WIF1: variants seen among roughly 807,000 people sequenced by gnomAD.
WIF1 encodes the protein Wnt inhibitory factor 1.
WIF1 carries 35 observed loss-of-function variants against 53.5 expected under a neutral mutation model. The ratio of observed to expected loss-of-function variants is 0.65; its 90% CI spans 0.50 to 0.87. The LOEUF (loss-of-function observed/expected upper bound fraction) is 0.87. Among genes scored for constraint, WIF1 ranks in the 40% least tolerant of loss-of-function variants. WIF1 has a pLI of 0.00. For synonymous variants in WIF1, 171 were observed against 170.4 expected (o/e 1.00, Z -0.03); for missense variants, 467 against 476.8 (o/e 0.98, Z 0.19).
In WIF1 at chr12:65,051,568, C is replaced by A. The variant is rs1882442591; in HGVS notation, c.1019-98G>T. ...CAAATGAAATCCATTTTTGCCTTTTCAATCCAGAATGAAAAACCGCAATGA... is the reference window on the plus strand; with the variant it reads ...CAAATGAAATCCATTTTTGCCTTTTAAATCCAGAATGAAAAACCGCAATGA... On this transcript the variant is annotated intron_variant, in intron 9 of 9. Coordinates refer to ENST00000286574, the MANE Select transcript of WIF1 (RefSeq NM_007191.5). 2.2e-6 allele frequency: 3 copies of A among 1,389,774 alleles called. No individual in the cohort carries two copies. The East Asian group carries it at 7.9e-5, about 36-fold the overall frequency. 86.1% of individuals were successfully genotyped at this position (1,389,774 alleles called of 1,614,324 possible). A position where few individuals can be genotyped will look rare whatever the true frequency, so the allele number is the denominator to read the frequency against.
At chr12:65,107,206 A>T (rs555445255) in intron 2 of WIF1, among the ~76,000 whole-genome samples, 9 of 152,240 alleles carry the variant, frequency 5.9e-5, no homozygotes, top group Non-Finnish European at 1.2e-4. Context: ...ATATAAATAC[A>T]ACCTCAATCC....
intron 9 of WIF1, among the ~76,000 whole-genome samples, chr12:65,052,002 ACT>A (rs1465064396): frequency 6.6e-6 from 1 of 152,074 alleles, no homozygotes; most frequent in East Asian, 1.9e-4. Context: ...ATTTGAACTG[ACT>A]CTTCCTTATC....
At chr12:65,090,682 C>G (rs1592397745) in intron 2 of WIF1, among the ~76,000 whole-genome samples, 1 of 152,062 alleles carries the variant, frequency 6.6e-6, no homozygotes, top group Admixed American at 6.6e-5. Flanking sequence ...GTTGCGTAAG[C>G]TCTGGGAGGA....
intron 2 of WIF1, among the ~76,000 whole-genome samples, chr12:65,106,862 T>G (rs1403884869): frequency 1.4e-4 from 21 of 152,184 alleles, no homozygotes. Flanking sequence ...GAGAGATAAC[T>G]CAAAACTTGA....
chr12:65,096,995 G>A (rs1390895401), intron 2 of WIF1, among the ~76,000 whole-genome samples: 3 of 147,804 alleles, frequency 2.0e-5, no homozygotes, highest in East Asian at 2.0e-4. Context: ...AAACCTGCAC[G>A]TTCTGCACAT....
At chr12:65,109,789 A>G (rs919024516) in intron 2 of WIF1, among the ~76,000 whole-genome samples, 3 of 152,194 alleles carry the variant, frequency 2.0e-5, no homozygotes, top group African/African-American at 4.8e-5. Context: ...CTCGTCTACA[A>G]ATTGGGGAGA....
At chr12:65,056,518 G>A (rs71450805) in intron 7 of WIF1, among the ~76,000 whole-genome samples, 1 of 150,072 alleles carries the variant, frequency 6.7e-6, no homozygotes, top group Non-Finnish European at 1.5e-5. Flanking sequence ...GAGCCACCAC[G>A]CCCAGCCCAA....
At chr12:65,091,428 A>G (rs947080064) in intron 2 of WIF1, among the ~76,000 whole-genome samples, 1 of 150,766 alleles carries the variant, frequency 6.6e-6, no homozygotes, top group African/African-American at 2.4e-5. Context: ...ACAAGGCAAA[A>G]CAACAGAAGA....
rs1882438939 is a variant in WIF1, at chr12:65,051,393, C to T, written c.1096G>A (p.Ala366Thr). 6.2e-7 allele frequency: 1 copy of T among 1,613,984 alleles called. No individual in the cohort carries two copies. The highest frequency in any genetic ancestry group is 1.3e-5 in the African/African-American group (1 of 75,066). Residue 366 changes from alanine (A) to threonine (T), a missense_variant, in exon 10 of 10, where the codon GCC becomes ACC. Physicochemically the swap from Ala to Thr is moderately conservative, Grantham distance 58. Transcript: ENST00000286574. ...LRQHTPSLKK[A>T]EERRDPPESN... The stretch of plus-strand genomic sequence containing the variant: ...TCAGGTGGATCCCGCCGCTCCTCGG[C>T]CTTTTTAAGTGAAGGCGTGTGCTGC...
rs568558662 is a variant in WIF1, at chr12:65,093,350, C to T, written c.289-15496G>A. 2.6e-4 allele frequency among the ~76,000 whole-genome samples: 40 copies of T among 152,274 alleles called. No individual in the cohort carries two copies. The East Asian group carries it at 6.8e-3, about 26-fold the overall frequency. On this transcript the variant is annotated intron_variant, in intron 2 of 9. Coordinates refer to ENST00000286574, the MANE Select transcript of WIF1 (RefSeq NM_007191.5). The stretch of plus-strand genomic sequence containing the variant: ...GCGGCAGCAGATTTGCCATTTGTAA[C>T]GTTAGCCAAACTCATAGTCTGTTTT...
intron 2 of WIF1, among the ~76,000 whole-genome samples, chr12:65,118,284 T>C (rs527607339): frequency 6.6e-6 from 1 of 152,378 alleles, no homozygotes; most frequent in Admixed American, 6.5e-5. Flanking sequence ...CCTTTCAAAA[T>C]ACTAATTGGT....
intron 3 of WIF1, among the ~76,000 whole-genome samples, chr12:65,076,251 G>T (rs369780903): frequency 1.2e-4 from 18 of 151,894 alleles, no homozygotes; most frequent in Non-Finnish European, 2.5e-4. Context: ...TGCCCAGGCC[G>T]GTCTTGAACT....
intron 3 of WIF1, among the ~76,000 whole-genome samples, chr12:65,071,399 T>C (rs1395864635): frequency 1.3e-5 from 2 of 152,022 alleles, no homozygotes; most frequent in Non-Finnish European, 2.9e-5. Flanking sequence ...GGTTGCAAAA[T>C]CTAATGAAAG....
Position 65,067,777 on chromosome 12 carries a change from G to T in WIF1, c.552C>A (p.Gly184=), listed in dbSNP as rs367787979. The T allele has an allele frequency of 6.2e-7, 1 of 1,613,024 alleles. No individual in the cohort carries two copies. Among genetic ancestry groups the T allele is most frequent in the Admixed American group, 1.7e-5 (1 of 59,926 alleles). Residue 184 remains glycine, a synonymous_variant, in exon 5 of 10, where the codon GGC becomes GGA. Transcript: ENST00000286574. ...FKTCQQAECP[G]GCRNGGFCNE... is the part of the protein sequence containing the mutation. Reference sequence around the variant, plus strand: ...TACAAAAGCCTCCATTTCGGCACCCGCCTGGGCACTCAGCTTCAGCAGAGA... The same window carrying T: ...TACAAAAGCCTCCATTTCGGCACCCTCCTGGGCACTCAGCTTCAGCAGAGA...
chr12:65,062,624 C>G (rs1882631320), intron 6 of WIF1, 48 bp from the exon 7 acceptor site: 2 of 1,524,432 alleles, frequency 1.3e-6, no homozygotes, highest in Admixed American at 1.9e-5. Flanking sequence ...TAGGTTAAAT[C>G]TAACACAAAT....
chr12:65,110,827 A>T (rs367709788), intron 2 of WIF1, among the ~76,000 whole-genome samples: 2 of 152,206 alleles, frequency 1.3e-5, no homozygotes, highest in East Asian at 3.9e-4. Flanking sequence ...ATTATAATCA[A>T]GTATTACCAT....
At chr12:65,082,047 T>C (rs919951615) in intron 2 of WIF1, among the ~76,000 whole-genome samples, 10 of 152,132 alleles carry the variant, frequency 6.6e-5, no homozygotes, top group African/African-American at 2.4e-4. Context: ...AGAGTAAATA[T>C]ATCCTTCATT....
intron 7 of WIF1, among the ~76,000 whole-genome samples, chr12:65,060,933 A>G (rs1021350344): frequency 2.0e-5 from 3 of 152,152 alleles, no homozygotes; most frequent in Non-Finnish European, 4.4e-5. Flanking sequence ...AATACAAAAC[A>G]TTGTCTCTGC....
intron 2 of WIF1, among the ~76,000 whole-genome samples, chr12:65,079,513 A>G (rs2136622764): frequency 6.6e-6 from 1 of 151,892 alleles, no homozygotes; most frequent in Middle Eastern, 3.4e-3. Context: ...TGTTTTCATA[A>G]GTCTCCTCCC....
Sources: allele counts gnomAD v4.1 joint callset (sites outside exome capture counted in the v4.1 genomes callset), GRCh38; gene constraint gnomAD v4.1.1; transcripts MANE v1.5; gene names NCBI Gene and HGNC (gene_info 2026-07-23, HGNC 2026-07-21).